The following TMTC2 variants were observed in gnomAD, a reference collection of about 807,000 sequenced individuals.
TMTC2 encodes transmembrane O-mannosyltransferase targeting cadherins 2.
In TMTC2, 43 loss-of-function variants were observed where a neutral mutation model predicts 82.4. The observed-to-expected ratio is 0.52, with a 90% CI of 0.41 to 0.67. The LOEUF (loss-of-function observed/expected upper bound fraction) is 0.67. TMTC2 is among the 30% of genes least tolerant of loss of function. The pLI, the probability that TMTC2 is intolerant of heterozygous loss-of-function variation, is 0.00. For synonymous variants in TMTC2, 408 were observed against 381.9 expected (o/e 1.07, Z -0.80); for missense variants, 919 against 1,012.4 (o/e 0.91, Z 1.25).
chr12:82,876,028 C>CGGTGGTGGTGGTGGCGGTGGT (rs1872476911), intron 2 of TMTC2, among the ~76,000 whole-genome samples: 1 of 83,488 alleles, frequency 1.2e-5, no homozygotes, highest in Non-Finnish European at 2.2e-5. Context: ...GTAGTGGTGG[C>CGGTGGTGGTGGTGGCGGTGGT]GGTGGTGGTG....
At chr12:82,734,278 G>C in intron 1 of TMTC2, among the ~76,000 whole-genome samples, 1 of 152,200 alleles carries the variant, frequency 6.6e-6, no homozygotes, top group South Asian at 2.1e-4. Flanking sequence ...CTAAAGTCAA[G>C]GTGTTAACTG....
intron 1 of TMTC2, among the ~76,000 whole-genome samples, chr12:82,806,433 T>C (rs1879244712): frequency 2.6e-5 from 4 of 152,138 alleles, no homozygotes; most frequent in Admixed American, 2.6e-4. Flanking sequence ...TATTTTATCC[T>C]TGGTATTTGG....
chr12:83,051,055 T>A (rs1882327855), intron 10 of TMTC2, 37 bp downstream of exon 10: 1 of 1,450,024 alleles, frequency 6.9e-7, no homozygotes, highest in Admixed American at 2.0e-5. Flanking sequence ...AAGCCTAGGC[T>A]TTGAGAGGGT....
chr12:83,001,818 G>C (rs1879939508), intron 8 of TMTC2, among the ~76,000 whole-genome samples: 1 of 151,936 alleles, frequency 6.6e-6, no homozygotes, highest in Non-Finnish European at 1.5e-5. Context: ...ATCTCCATCT[G>C]AGACCACCTC....
At chr12:82,938,004 TC>T (rs1876499274) in intron 4 of TMTC2, among the ~76,000 whole-genome samples, 1 of 146,906 alleles carries the variant, frequency 6.8e-6, no homozygotes, top group Non-Finnish European at 1.5e-5. Flanking sequence ...AACCTCCACA[TC>T]CCAGGTTCAA....
At chr12:82,719,376 G>A (rs1328847681) in intron 1 of TMTC2, among the ~76,000 whole-genome samples, 1 of 152,006 alleles carries the variant, frequency 6.6e-6, no homozygotes, top group East Asian at 1.9e-4. Context: ...GCAGGCATAA[G>A]CCACCGTGCC....
At chr12:82,811,322 A>G (rs919709495) in intron 1 of TMTC2, among the ~76,000 whole-genome samples, 10 of 152,094 alleles carry the variant, frequency 6.6e-5, no homozygotes, top group Non-Finnish European at 1.3e-4. Context: ...ACAAGCACCT[A>G]TTTTGTATTA....
At chr12:82,910,894 A>G (rs954413701) in intron 3 of TMTC2, among the ~76,000 whole-genome samples, 2 of 148,706 alleles carry the variant, frequency 1.3e-5, no homozygotes, top group Non-Finnish European at 1.5e-5. Context: ...TTTTTTTTAG[A>G]GACAGAGGCA....
At chr12:82,723,701 T>G (rs548350070) in intron 1 of TMTC2, among the ~76,000 whole-genome samples, 7 of 152,332 alleles carry the variant, frequency 4.6e-5, no homozygotes, top group African/African-American at 1.7e-4. Flanking sequence ...TTTCAGATTT[T>G]GGAGCATATT....
At chr12:83,037,447 A>T (rs190162798) in intron 9 of TMTC2, among the ~76,000 whole-genome samples, 2 of 152,346 alleles carry the variant, frequency 1.3e-5, no homozygotes, top group African/African-American at 4.8e-5. Flanking sequence ...ATAGATTTTG[A>T]GTCTTTGCAA....
chr12:82,753,646 T>C lies in TMTC2; in HGVS notation c.83+65977T>C, dbSNP rs1592901582. Among the ~76,000 whole-genome samples, 6 of 152,336 alleles carry C rather than the reference T, an allele frequency of 3.9e-5. No homozygotes were observed. In the South Asian group the frequency reaches 1.2e-3, roughly 32 times the overall value. On this transcript the variant is annotated intron_variant, in intron 1 of 11. Coordinates refer to ENST00000321196, the MANE Select transcript of TMTC2 (RefSeq NM_152588.3). ...AAGCTGACTTTTTTCAAAGAAGATA[T>C]GAGAAGTTTAGATATAACTTGTGAA...
At chr12:82,987,436 G>GA (rs1879202732) in intron 8 of TMTC2, among the ~76,000 whole-genome samples, 2 of 117,946 alleles carry the variant, frequency 1.7e-5, no homozygotes, top group African/African-American at 3.3e-5. Context: ...AAAAAAAAAA[G>GA]AGAAAAAAAA....
intron 4 of TMTC2, among the ~76,000 whole-genome samples, chr12:82,932,005 A>T (rs938452754): frequency 6.6e-6 from 1 of 152,158 alleles, no homozygotes; most frequent in African/African-American, 2.4e-5. Context: ...CCTAGGTAAA[A>T]TAAGGTGCTT....
intron 1 of TMTC2, among the ~76,000 whole-genome samples, chr12:82,741,544 C>G (rs1875408853): frequency 6.6e-6 from 1 of 152,170 alleles, no homozygotes; most frequent in South Asian, 2.1e-4. Context: ...CTCCTGACCT[C>G]ATGATCAGCC....
At chr12:83,094,252 AGAG>A (rs749771070) in intron 11 of TMTC2, among the ~76,000 whole-genome samples, 1 of 152,210 alleles carries the variant, frequency 6.6e-6, no homozygotes, top group Non-Finnish European at 1.5e-5. Context: ...ATGTCCTAGG[AGAG>A]GAGAATTGCC....
chr12:83,045,910 G>A (rs915530640), intron 9 of TMTC2, among the ~76,000 whole-genome samples: 1 of 152,078 alleles, frequency 6.6e-6, no homozygotes, highest in Non-Finnish European at 1.5e-5. Context: ...GATCTCAGGA[G>A]TTGTGCGAGT....
chr12:82,785,502 G>A (rs1158210973), intron 1 of TMTC2, among the ~76,000 whole-genome samples: 1 of 151,834 alleles, frequency 6.6e-6, no homozygotes, highest in Non-Finnish European at 1.5e-5. Flanking sequence ...CCAAGTTGCT[G>A]GCAGTAAAGC....
chr12:82,887,343 T>C lies in TMTC2; in HGVS notation c.655-8475T>C, dbSNP rs571670044. Among the ~76,000 whole-genome samples, 10 of 152,324 alleles carry C rather than the reference T, an allele frequency of 6.6e-5. 1 individual carries two copies. The highest frequency in any genetic ancestry group is 5.9e-4 in the Admixed American group (9 of 15,302). On this transcript the variant is annotated intron_variant, in intron 2 of 11. Coordinates refer to ENST00000321196, the MANE Select transcript of TMTC2 (RefSeq NM_152588.3). ...TTCATAATAGAGAGGGGAGCTGTTA[T>C]AGTTGAATTTTACTTCACTCTTATT...
chr12:82,770,559 A>G (rs1877236390), intron 1 of TMTC2, among the ~76,000 whole-genome samples: 1 of 152,006 alleles, frequency 6.6e-6, no homozygotes, highest in South Asian at 2.1e-4. Context: ...AGGTAATTTT[A>G]TCTTTCATTT....
Sources: allele counts gnomAD v4.1 joint callset (sites outside exome capture counted in the v4.1 genomes callset), GRCh38; gene constraint gnomAD v4.1.1; transcripts MANE v1.5; gene names NCBI Gene and HGNC (gene_info 2026-07-23, HGNC 2026-07-21).